LHCGR: variants seen among roughly 807,000 people sequenced by gnomAD.
The protein encoded by LHCGR is luteinizing hormone/choriogonadotropin receptor.
LHCGR carries 55 observed loss-of-function variants against 60.7 expected under a neutral mutation model. The observed-to-expected ratio is 0.91, with a 90% CI of 0.73 to 1.13. LHCGR has a LOEUF of 1.13. Among genes scored for constraint, LHCGR ranks in the 50% most tolerant of loss-of-function variants. The pLI is 0.00. For synonymous variants in LHCGR, 337 were observed against 316.5 expected, an observed-to-expected ratio of 1.06 and a Z score of -0.69; for missense variants, 862 against 836.0, an observed-to-expected ratio of 1.03 and a Z score of -0.38.
intron 7 of LHCGR, among the ~76,000 whole-genome samples, chr2:48,713,288 T>A (rs1488616063): frequency 6.6e-6 from 1 of 152,208 alleles, no homozygotes; most frequent in African/African-American, 2.4e-5. Context: ...GTGCTCTTAG[T>A]TTTTATTATG....
At chr2:48,727,787 T>C (rs1046148212) in intron 3 of LHCGR, among the ~76,000 whole-genome samples, 1 of 152,274 alleles carries the variant, frequency 6.6e-6, no homozygotes, top group African/African-American at 2.4e-5. Context: ...TGGACATTTA[T>C]ATTTTATCTC....
In LHCGR at chr2:48,688,556, A is replaced by G; in HGVS notation, c.1241T>C (p.Leu414Pro). 1 of 1,614,226 alleles carries G rather than the reference A, an allele frequency of 6.2e-7. No individual in the cohort carries two copies. The highest frequency in any genetic ancestry group is 8.5e-7 in the Non-Finnish European group (1 of 1,180,034). Residue 414 changes from leucine (L) to proline (P), a missense_variant, in exon 11 of 11, where the codon CTC (leucine) becomes CCC (proline). Physicochemically the swap from Leu to Pro is moderately conservative, Grantham distance 98. Transcript: ENST00000294954. The surrounding 1 kb of genome is among the most constrained non-coding windows in gnomAD (Gnocchi z 5.2). ...ADFCMGLYLL[L>P]IASVDSQTKG... ...GGTTTGGGAATCAACTGAGGCTATG[A>G]GCAGCAGATAGAGCCCCATGCAAAA... is the stretch of plus-strand genomic sequence containing the variant.
At chr2:48,729,594 G>C (rs1201167433) in intron 2 of LHCGR, among the ~76,000 whole-genome samples, 2 of 152,202 alleles carry the variant, frequency 1.3e-5, no homozygotes, top group Non-Finnish European at 1.5e-5. Context: ...CCTGAGAGGA[G>C]AGGCAAATAG....
chr2:48,703,705 T>C (rs1558828187), intron 8 of LHCGR, among the ~76,000 whole-genome samples: 1 of 152,184 alleles, frequency 6.6e-6, no homozygotes, highest in Non-Finnish European at 1.5e-5. Context: ...TATTGGTGAA[T>C]AGGAATGCTT....
Position 48,729,142 on chromosome 2 carries a change from C to G in LHCGR, c.308+11G>C. 1 of 1,598,096 alleles carries G rather than the reference C, an allele frequency of 6.3e-7. No homozygotes were observed. Among genetic ancestry groups the G allele is most frequent in the Non-Finnish European group, 8.6e-7 (1 of 1,166,106 alleles). On this transcript the variant is annotated intron_variant, in intron 3 of 10. Transcript: ENST00000294954. ...TGTACAGCAGTAAACTGTCTGTTAGCTGATGCTTACATTTCAGACAAATTG... is the reference window on the plus strand; with the variant it reads ...TGTACAGCAGTAAACTGTCTGTTAGGTGATGCTTACATTTCAGACAAATTG...
intron 7 of LHCGR, among the ~76,000 whole-genome samples, chr2:48,713,281 C>T (rs1475802256): frequency 6.6e-6 from 1 of 152,016 alleles, no homozygotes; most frequent in Non-Finnish European, 1.5e-5. Context: ...TTTTCATGTG[C>T]TCTTAGTTTT....
Position 48,688,877 on chromosome 2 carries a change from A to G in LHCGR, c.948-28T>C. On this transcript the variant is annotated intron_variant, in intron 10 of 10. Coordinates refer to ENST00000294954, the MANE Select transcript of LHCGR (RefSeq NM_000233.4). The surrounding 1 kb of genome is among the most constrained non-coding windows in gnomAD (Gnocchi z 5.2). ...GTAAGAAGAATTATTGGCTTGAGGTAAGGGATTTTCTCTGAGTATTAAAAA... is the reference window on the plus strand; with the variant it reads ...GTAAGAAGAATTATTGGCTTGAGGTGAGGGATTTTCTCTGAGTATTAAAAA... The G allele has an allele frequency of 6.2e-7, 1 of 1,604,654 alleles. No individual in the cohort carries two copies. Among genetic ancestry groups the G allele is most frequent in the Non-Finnish European group, 8.5e-7 (1 of 1,171,914 alleles).
chr2:48,746,821 C>T (rs568405443), intron 1 of LHCGR, among the ~76,000 whole-genome samples: 1 of 152,300 alleles, frequency 6.6e-6, no homozygotes, highest in African/African-American at 2.4e-5. Flanking sequence ...AATAATATAA[C>T]ATGACAAGAA....
Position 48,755,617 on chromosome 2 carries a change from G to C in LHCGR, c.55C>G (p.Pro19Ala). 1 of 1,476,976 alleles carries C rather than the reference G, an allele frequency of 6.8e-7. No individual in the cohort carries two copies. Among genetic ancestry groups the C allele is most frequent in the Non-Finnish European group, 9.0e-7 (1 of 1,114,164 alleles). The allele number at this position is 1,476,976 out of a possible 1,614,324, so 91.5% of individuals were successfully genotyped here. A position where few individuals can be genotyped will look rare whatever the true frequency, so the allele number is the denominator to read the frequency against. ...TCGCGCAGCGCTCGTGGCAGCGGCG[G>C]CTGCAGCAGCAGCAGCAGCTTCAGC... Reference protein sequence around the residue: ...QLLKLLLLLQPPLPRALREAL... With the variant: ...QLLKLLLLLQAPLPRALREAL... Residue 19 changes from proline to alanine, a missense_variant, in exon 1 of 11, where the codon CCG becomes GCG. Pro to Ala is a conservative substitution (Grantham distance 27). Transcript: ENST00000294954.
intron 1 of LHCGR, among the ~76,000 whole-genome samples, chr2:48,746,600 T>G (rs904288923): frequency 6.6e-6 from 1 of 152,208 alleles, no homozygotes; most frequent in African/African-American, 2.4e-5. Context: ...TGTGAGGAGT[T>G]TATGTCTTAT....
At chr2:48,707,051 G>T (rs1667719339) in intron 8 of LHCGR, among the ~76,000 whole-genome samples, 1 of 152,214 alleles carries the variant, frequency 6.6e-6, no homozygotes, top group Admixed American at 6.5e-5. Flanking sequence ...GGTCATTGGT[G>T]TTGGTGAGCT....
chr2:48,691,826 A>G (rs917903156), intron 10 of LHCGR, among the ~76,000 whole-genome samples: 1 of 147,586 alleles, frequency 6.8e-6, no homozygotes, highest in Non-Finnish European at 1.5e-5. Flanking sequence ...AACCTAAGTG[A>G]CAGACTGAGA....
intron 6 of LHCGR, chr2:48,720,368 T>C (rs1668445457): frequency 2.0e-5 from 3 of 152,222 alleles, no homozygotes; most frequent in South Asian, 2.1e-4. Flanking sequence ...CCCATCATTG[T>C]ACATTTACCT....
At chr2:48,694,329 G>T in intron 9 of LHCGR, 25 bp from the exon 10 acceptor site, 2 of 1,480,108 alleles carry the variant, frequency 1.4e-6, no homozygotes, top group Non-Finnish European at 1.9e-6. Flanking sequence ...GTTAAAAAAA[G>T]CATTTGAGCT....
At chr2:48,743,979 A>C (rs1669588763) in intron 1 of LHCGR, among the ~76,000 whole-genome samples, 1 of 146,722 alleles carries the variant, frequency 6.8e-6, no homozygotes, top group Middle Eastern at 3.4e-3. Flanking sequence ...TTAAGCTGAT[A>C]AGCAACTTCA....
At chr2:48,711,280 CCTTGTAATAATTTTAT>C (rs763031185) in intron 7 of LHCGR, among the ~76,000 whole-genome samples, 29 of 152,100 alleles carry the variant, frequency 1.9e-4, no homozygotes, top group Non-Finnish European at 3.8e-4. Context: ...TATATATTAC[CCTTGTAATAATTTTAT>C]CTGTTATTTG....
chr2:48,741,382 A>G (rs1292752889), intron 1 of LHCGR, among the ~76,000 whole-genome samples: 5 of 152,202 alleles, frequency 3.3e-5, no homozygotes, highest in Non-Finnish European at 5.9e-5. Context: ...TCCAAGACAC[A>G]TAATTGTCAG....
At chr2:48,736,961 C>T (rs918611698) in intron 1 of LHCGR, among the ~76,000 whole-genome samples, 1 of 152,134 alleles carries the variant, frequency 6.6e-6, no homozygotes, top group Admixed American at 6.5e-5. Context: ...TCTCACCTCC[C>T]CTTGGTTTTT....
At chr2:48,747,172 C>A (rs1410053113) in intron 1 of LHCGR, among the ~76,000 whole-genome samples, 1 of 151,990 alleles carries the variant, frequency 6.6e-6, no homozygotes, top group African/African-American at 2.4e-5. Flanking sequence ...TCACTGCAAC[C>A]TCTGTCTCCT....
Sources: allele counts gnomAD v4.1 joint callset (sites outside exome capture counted in the v4.1 genomes callset), GRCh38; gene constraint gnomAD v4.1.1; non-coding constraint Gnocchi (gnomAD v3.1); transcripts MANE v1.5; gene names NCBI Gene and HGNC (gene_info 2026-07-23, HGNC 2026-07-21).